NOS1AP: variants seen among roughly 807,000 people sequenced by gnomAD.
NOS1AP encodes the protein nitric oxide synthase 1 adaptor protein, also known as carboxyl-terminal PDZ ligand of neuronal nitric oxide synthase protein.
NOS1AP carries 21 observed loss-of-function variants against 56.2 expected under a neutral mutation model. That is an observed-to-expected ratio of 0.37 (90% CI 0.26 to 0.54). The LOEUF is 0.54. NOS1AP is among the 20% of genes least tolerant of loss of function. The pLI is 0.84. For missense variants in NOS1AP, 522 were observed against 657.8 expected, an observed-to-expected ratio of 0.79 and a Z score of 2.26; for synonymous variants, 270 against 274.6, an observed-to-expected ratio of 0.98 and a Z score of 0.17.
At chr1:162,332,298 C>G (rs867987047) in intron 4 of NOS1AP, among the ~76,000 whole-genome samples, 10 of 152,124 alleles carry the variant, frequency 6.6e-5, no homozygotes, top group Admixed American at 2.6e-4. Context: ...TAAAATAGCC[C>G]CCATCATGCT....
intron 8 of NOS1AP, chr1:162,363,081 T>G (rs1657956076): frequency 6.1e-6 from 1 of 164,740 alleles, no homozygotes; most frequent in Non-Finnish European, 1.3e-5. Flanking sequence ...ATTCTGATAC[T>G]ATCTACCTGG....
intron 1 of NOS1AP, among the ~76,000 whole-genome samples, chr1:162,087,949 C>T (rs550295687): frequency 1.6e-3 from 246 of 152,200 alleles, no homozygotes; most frequent in African/African-American, 5.7e-3. Context: ...CTTATGTTCT[C>T]AAATATTTAT....
intron 4 of NOS1AP, among the ~76,000 whole-genome samples, chr1:162,327,936 A>G (rs925502317): frequency 2.2e-4 from 33 of 152,360 alleles, no homozygotes; most frequent in African/African-American, 7.9e-4. Context: ...AAAATGTGGT[A>G]TGTGTGTTTT....
chr1:162,302,568 AG>A (rs1655701154), intron 4 of NOS1AP, among the ~76,000 whole-genome samples: 1 of 152,204 alleles, frequency 6.6e-6, no homozygotes, highest in Non-Finnish European at 1.5e-5. Flanking sequence ...ATCATGAGTG[AG>A]TTCTGCCTTT....
intron 2 of NOS1AP, among the ~76,000 whole-genome samples, chr1:162,280,875 T>C (rs752323994): frequency 6.6e-6 from 1 of 152,210 alleles, no homozygotes; most frequent in Non-Finnish European, 1.5e-5. Flanking sequence ...TTTCAAACTT[T>C]GGTGTTGGTC....
chr1:162,259,338 C>T (rs183405600), intron 2 of NOS1AP, among the ~76,000 whole-genome samples: 27 of 152,244 alleles, frequency 1.8e-4, no homozygotes, highest in South Asian at 6.2e-4. Flanking sequence ...TCTGTAAGCA[C>T]GGCAGACTTA....
intron 6 of NOS1AP, among the ~76,000 whole-genome samples, chr1:162,347,456 G>A (rs1657340658): frequency 6.6e-6 from 1 of 152,220 alleles, no homozygotes; most frequent in African/African-American, 2.4e-5. Context: ...TATTATCACA[G>A]AACAACCATC....
intron 2 of NOS1AP, among the ~76,000 whole-genome samples, chr1:162,229,434 C>T (rs924836694): frequency 6.6e-6 from 1 of 152,076 alleles, no homozygotes; most frequent in African/African-American, 2.4e-5. Flanking sequence ...AATGGTATGT[C>T]TGCCTCTTTT....
intron 2 of NOS1AP, among the ~76,000 whole-genome samples, chr1:162,199,226 G>C (rs1454796613): frequency 1.3e-5 from 2 of 152,170 alleles, no homozygotes; most frequent in Non-Finnish European, 2.9e-5. Flanking sequence ...AGACTGGATG[G>C]AGGTTTTTAC....
At chr1:162,303,454 G>C (rs1053184643) in intron 4 of NOS1AP, among the ~76,000 whole-genome samples, 2 of 151,890 alleles carry the variant, frequency 1.3e-5, no homozygotes, top group Admixed American at 6.6e-5. Context: ...CTTTTTGTTT[G>C]TTTTGAGACA....
intron 2 of NOS1AP, among the ~76,000 whole-genome samples, chr1:162,181,110 A>T (rs56120308): frequency 6.6e-6 from 1 of 152,326 alleles, no homozygotes; most frequent in African/African-American, 2.4e-5. Flanking sequence ...GGTAGTCAAT[A>T]AAAGGATTGC....
At chr1:162,235,506 C>G (rs1244773398) in intron 2 of NOS1AP, among the ~76,000 whole-genome samples, 1 of 152,226 alleles carries the variant, frequency 6.6e-6, no homozygotes, top group Non-Finnish European at 1.5e-5. Flanking sequence ...GGAGCCTCGT[C>G]AAGGCTGACT....
At chr1:162,357,778 T>C (rs1657749381) in intron 8 of NOS1AP, among the ~76,000 whole-genome samples, 1 of 151,934 alleles carries the variant, frequency 6.6e-6, no homozygotes, top group African/African-American at 2.4e-5. Flanking sequence ...CCAAAAAACT[T>C]GTTCGGGGGC....
At chr1:162,077,823 T>C (rs557426215) in intron 1 of NOS1AP, among the ~76,000 whole-genome samples, 1 of 152,124 alleles carries the variant, frequency 6.6e-6, no homozygotes, top group Non-Finnish European at 1.5e-5. Flanking sequence ...CATGTTGTCT[T>C]TCTCCTCCTT....
At chr1:162,146,884 T>G (rs917116977) in intron 1 of NOS1AP, among the ~76,000 whole-genome samples, 10 of 152,344 alleles carry the variant, frequency 6.6e-5, no homozygotes, top group African/African-American at 2.2e-4. Flanking sequence ...ACAGTTTATA[T>G]TGTGGTTCAC....
intron 2 of NOS1AP, among the ~76,000 whole-genome samples, chr1:162,248,593 A>T (rs1298724654): frequency 6.6e-6 from 1 of 152,124 alleles, no homozygotes; most frequent in African/African-American, 2.4e-5. Context: ...GCTTACATCA[A>T]TTTCCTTATG....
Position 162,367,306 on chromosome 1 carries a change from CTCA to C in NOS1AP, c.1364_1366del (p.Ile455del), listed in dbSNP as rs774663668. On this transcript the variant is annotated inframe_deletion, in exon 10 of 10. Coordinates refer to ENST00000361897, the MANE Select transcript of NOS1AP (RefSeq NM_014697.3). This position sits in a 1 kb window ranked among gnomAD's most constrained non-coding sequence, Gnocchi z 6.5. ...CGAGGCGCTCCTGGGCGGTCTGGAGCTCATCAAGTTCCGAGAGTCAGGCATCGC... is the reference window on the plus strand; with the variant it reads ...CGAGGCGCTCCTGGGCGGTCTGGAGCTCAAGTTCCGAGAGTCAGGCATCGC... The C allele has an allele frequency of 3.1e-6, 5 of 1,613,304 alleles. No homozygotes were observed. The African/African-American group carries it at 4.0e-5, about 13-fold the overall frequency.
intron 1 of NOS1AP, among the ~76,000 whole-genome samples, chr1:162,124,942 A>G (rs7548169): frequency 0.46 from 69,942 of 152,040 alleles, 19,630 homozygotes; most frequent in Non-Finnish European, 0.62. Context: ...TTTTTGATGT[A>G]GTGACTTATT....
chr1:162,364,930 G>A, intron 8 of NOS1AP: 1 of 1,020,548 alleles, frequency 9.8e-7, no homozygotes, highest in Non-Finnish European at 1.2e-6. Flanking sequence ...TTAGCCAGTG[G>A]GTCAATAGAT....
Sources: allele counts gnomAD v4.1 joint callset (sites outside exome capture counted in the v4.1 genomes callset), GRCh38; gene constraint gnomAD v4.1.1; non-coding constraint Gnocchi (gnomAD v3.1); transcripts MANE v1.5; gene names NCBI Gene and HGNC (gene_info 2026-07-23, HGNC 2026-07-21).